The following IFNGR2 variants were observed in gnomAD, a reference collection of about 807,000 sequenced individuals.
IFNGR2 encodes IFN-gamma receptor 2.
In IFNGR2, 15 loss-of-function variants were observed where a neutral mutation model predicts 41.1. The observed-to-expected ratio is 0.37, with a 90% CI of 0.24 to 0.56. The LOEUF is 0.56. Among genes scored for constraint, IFNGR2 ranks in the 20% least tolerant of loss-of-function variants. IFNGR2 has a pLI of 0.81. For synonymous variants in IFNGR2, 161 were observed against 171.6 expected (o/e 0.94, Z 0.48); for missense variants, 362 against 415.7 (o/e 0.87, Z 1.12).
chr21:33,414,787 G>C, intron 1 of IFNGR2, 101 bp from the exon 2 acceptor site: 2 of 1,369,804 alleles, frequency 1.5e-6, no homozygotes, highest in South Asian at 2.5e-5. Context: ...CAAAAACTGA[G>C]TTGTATGAAT....
intron 3 of IFNGR2, among the ~76,000 whole-genome samples, chr21:33,421,990 A>G (rs1033814943): frequency 2.0e-5 from 3 of 152,352 alleles, no homozygotes; most frequent in South Asian, 4.1e-4. Context: ...CTTTCACACT[A>G]CAATGGTAGA....
chr21:33,413,365 T>C (rs992362548), intron 1 of IFNGR2, among the ~76,000 whole-genome samples: 1 of 151,970 alleles, frequency 6.6e-6, no homozygotes, highest in Non-Finnish European at 1.5e-5. Context: ...AGCTCATAGG[T>C]GTGGAGGGGA....
At chr21:33,410,761 C>A in intron 1 of IFNGR2, 3 of 1,013,062 alleles carry the variant, frequency 3.0e-6, no homozygotes, top group Non-Finnish European at 4.6e-6. Context: ...AGCCACCACG[C>A]CCATCCAATT....
At chr21:33,421,741 C>T (rs192112257) in intron 3 of IFNGR2, 56 bp downstream of exon 3, 21 of 1,333,314 alleles carry the variant, frequency 1.6e-5, no homozygotes, top group Middle Eastern at 2.4e-4. Flanking sequence ...TCTTCACTTG[C>T]GGTATCGACT....
chr21:33,428,525 C>G (rs1441184390), intron 4 of IFNGR2, among the ~76,000 whole-genome samples: 1 of 152,152 alleles, frequency 6.6e-6, no homozygotes, highest in Non-Finnish European at 1.5e-5. Context: ...CGTTCCCAGC[C>G]TCCTCTTCAT....
intron 2 of IFNGR2, among the ~76,000 whole-genome samples, chr21:33,419,459 T>TTGTGTG (rs35945253): frequency 0.011 from 1,636 of 150,078 alleles, 26 homozygotes; most frequent in Middle Eastern, 0.017. Context: ...TGTTTGAAAA[T>TTGTGTG]TGTGTGTGTG....
intron 6 of IFNGR2, among the ~76,000 whole-genome samples, chr21:33,433,600 G>A (rs1291667800): frequency 6.6e-6 from 1 of 152,044 alleles, no homozygotes; most frequent in Non-Finnish European, 1.5e-5. Flanking sequence ...TGGTTGCGGT[G>A]GTGGAGGGAG....
intron 1 of IFNGR2, among the ~76,000 whole-genome samples, chr21:33,410,025 G>A (rs752816662): frequency 6.6e-6 from 1 of 151,974 alleles, no homozygotes; most frequent in Non-Finnish European, 1.5e-5. Context: ...TCCATTTTAT[G>A]GGCGAACATA....
At chr21:33,425,015 T>C (rs1001623985) in intron 3 of IFNGR2, among the ~76,000 whole-genome samples, 1 of 152,152 alleles carries the variant, frequency 6.6e-6, no homozygotes, top group Admixed American at 6.5e-5. Context: ...GTTCAAGCGA[T>C]TCTCCTGCCT....
At chr21:33,430,615 T>A (rs1460686196) in intron 4 of IFNGR2, among the ~76,000 whole-genome samples, 1 of 152,022 alleles carries the variant, frequency 6.6e-6, no homozygotes, top group Non-Finnish European at 1.5e-5. Flanking sequence ...AGCTTATTTT[T>A]TTATTATTAT....
intron 6 of IFNGR2, among the ~76,000 whole-genome samples, chr21:33,433,297 G>A (rs1306270788): frequency 6.6e-6 from 1 of 152,168 alleles, no homozygotes; most frequent in Non-Finnish European, 1.5e-5. Context: ...AAATGGTATG[G>A]GGTTGTTTGT....
In IFNGR2 at chr21:33,426,133, T is replaced by C. The variant is rs1380158666; in HGVS notation, c.413-751T>C. Among the ~76,000 whole-genome samples, 6 of 2,694 alleles carry C rather than the reference T, an allele frequency of 2.2e-3. No homozygotes were observed. The South Asian group carries it at 0.088, about 40-fold the overall frequency. The allele number at this position is 2,694 out of a possible 152,430, so 1.8% of individuals were successfully genotyped here. On this transcript the variant is annotated intron_variant, in intron 3 of 6. Coordinates refer to ENST00000290219, the MANE Select transcript of IFNGR2 (RefSeq NM_005534.4). ...TCTCAGTTATTGTGTTTAAATATAG[T>C]ATGGGCATGGTGCTCACGCCTGTAA...
At position 33,428,680 on chromosome 21, in the gene IFNGR2, A is replaced by G. The variant is rs191685637; in HGVS notation, c.561+1648A>G. Among the ~76,000 whole-genome samples the G allele has an allele frequency of 3.9e-5, 6 of 152,336 alleles. No individual in the cohort carries two copies. The East Asian group carries it at 9.6e-4, about 24-fold the overall frequency. On this transcript the variant is annotated intron_variant, in intron 4 of 6. Transcript: ENST00000290219. The stretch of plus-strand genomic sequence containing the variant: ...ATAGAGGGAGCCTGGCAGAATCCAG[A>G]AGAGAGACTCTGCCTCTTCCAAGTC...
intron 1 of IFNGR2, among the ~76,000 whole-genome samples, chr21:33,409,639 G>A (rs551615399): frequency 4.6e-4 from 70 of 152,172 alleles, no homozygotes; most frequent in African/African-American, 1.6e-3. Flanking sequence ...GCCAGGAATC[G>A]GCAAAGTTTT....
At chr21:33,412,549 A>G (rs1382685824) in intron 1 of IFNGR2, among the ~76,000 whole-genome samples, 1 of 152,026 alleles carries the variant, frequency 6.6e-6, no homozygotes, top group East Asian at 1.9e-4. Context: ...GTGGTACCAG[A>G]GCATTTATTT....
At chr21:33,422,634 T>C (rs1476016740) in intron 3 of IFNGR2, among the ~76,000 whole-genome samples, 1 of 152,032 alleles carries the variant, frequency 6.6e-6, no homozygotes, top group South Asian at 2.1e-4. Context: ...CCCAGCACTT[T>C]GGGAGGCCGA....
chr21:33,406,873 T>C (rs1421774416), intron 1 of IFNGR2, among the ~76,000 whole-genome samples: 1 of 152,002 alleles, frequency 6.6e-6, no homozygotes, highest in South Asian at 2.1e-4. Context: ...GGTTTTGAAC[T>C]CCTGGGGTCA....
At chr21:33,412,130 T>G (rs17885533) in intron 1 of IFNGR2, among the ~76,000 whole-genome samples, 1 of 152,216 alleles carries the variant, frequency 6.6e-6, no homozygotes, top group Non-Finnish European at 1.5e-5. Flanking sequence ...TGATAATGTG[T>G]TACAGTGATA....
Position 33,421,563 on chromosome 21 carries a change from C to T in IFNGR2, c.290C>T (p.Thr97Ile). 6.2e-7 allele frequency: 1 copy of T among 1,614,046 alleles called. No individual in the cohort carries two copies. The highest frequency in any genetic ancestry group is 8.5e-7 in the Non-Finnish European group (1 of 1,179,908). The change falls in exon 3 of 7, where the codon ACT becomes ATT. Residue 97 changes from threonine (T) to isoleucine (I), a missense_variant. Transcript: ENST00000290219. ...TQITATECDF[T>I]AASPSAGFPM... ...ATCACAGCAACAGAGTGTGACTTCA[C>T]TGCCGCCAGTCCCTCAGCAGGCTTC... is the stretch of plus-strand genomic sequence containing the variant.
Sources: gnomAD v4.1 joint callset for allele counts (sites outside exome capture counted in the v4.1 genomes callset) on GRCh38, gnomAD v4.1.1 for gene constraint, MANE v1.5 for transcripts, NCBI Gene and HGNC (gene_info 2026-07-23, HGNC 2026-07-21) for gene names.